Variants in ZNF385D observed in about 807,000 individuals in gnomAD.
ZNF385D encodes zinc finger protein 385D.
In ZNF385D, 15 loss-of-function variants were observed where a neutral mutation model predicts 35.8. The observed-to-expected ratio is 0.42, with a 90% CI of 0.28 to 0.64. The LOEUF (loss-of-function observed/expected upper bound fraction) is 0.64, where lower values mean the gene tolerates loss of function less well. ZNF385D is among the 30% of genes least tolerant of loss of function. ZNF385D has a pLI of 0.23. For synonymous variants in ZNF385D, 212 were observed against 186.8 expected, an observed-to-expected ratio of 1.13 and a Z score of -1.10; for missense variants, 474 against 494.6, an observed-to-expected ratio of 0.96 and a Z score of 0.39.
At chr3:21,750,765 C>G in intron 1 of ZNF385D, 130 bp downstream of exon 1, 1 of 1,124,938 alleles carries the variant, frequency 8.9e-7, no homozygotes, top group Non-Finnish European at 1.3e-6. Flanking sequence ...CCGGCTTGGT[C>G]CTCCAGTTGC....
intron 2 of ZNF385D, among the ~76,000 whole-genome samples, chr3:22,188,473 G>T (rs1041575277): frequency 1.3e-5 from 2 of 150,718 alleles, no homozygotes; most frequent in African/African-American, 4.9e-5. Flanking sequence ...TTTTTGAGAC[G>T]GAGTCTTGCT....
At chr3:21,606,731 A>C (rs527821528) in intron 2 of ZNF385D, among the ~76,000 whole-genome samples, 2 of 152,314 alleles carry the variant, frequency 1.3e-5, no homozygotes, top group South Asian at 2.1e-4. Flanking sequence ...CTATTAAATA[A>C]ATTCCACCAT....
chr3:22,106,354 T>C (rs1043393723), intron 3 of ZNF385D, among the ~76,000 whole-genome samples: 4 of 152,096 alleles, frequency 2.6e-5, no homozygotes, highest in African/African-American at 7.2e-5. Flanking sequence ...GAAACTGAGA[T>C]ACCATCTGCC....
intron 3 of ZNF385D, among the ~76,000 whole-genome samples, chr3:22,116,030 T>G (rs115569745): frequency 0.015 from 2,297 of 152,178 alleles, 69 homozygotes; most frequent in African/African-American, 0.053. Context: ...CAGAATTAAC[T>G]CCTGTATTTT....
At chr3:22,004,310 G>A (rs530179214) in intron 3 of ZNF385D, among the ~76,000 whole-genome samples, 37 of 152,184 alleles carry the variant, frequency 2.4e-4, no homozygotes, top group African/African-American at 8.4e-4. Context: ...TTAAATATAA[G>A]ACTCAATACT....
chr3:22,015,691 C>A (rs929023083), intron 3 of ZNF385D, among the ~76,000 whole-genome samples: 2 of 152,062 alleles, frequency 1.3e-5, no homozygotes, highest in Non-Finnish European at 2.9e-5. Flanking sequence ...CCATCTGGCT[C>A]CTGGTCTTTG....
intron 4 of ZNF385D, among the ~76,000 whole-genome samples, chr3:21,456,550 C>T (rs1702823756): frequency 6.6e-6 from 1 of 151,914 alleles, no homozygotes; most frequent in Non-Finnish European, 1.5e-5. Flanking sequence ...AACACTTGGA[C>T]ACAGGAAGGG....
At chr3:22,171,791 G>A (rs1694456684) in intron 2 of ZNF385D, among the ~76,000 whole-genome samples, 1 of 150,636 alleles carries the variant, frequency 6.6e-6, no homozygotes, top group Non-Finnish European at 1.5e-5. Flanking sequence ...GCAGGAGAAT[G>A]GAGTGAACCC....
chr3:22,187,818 A>G (rs1695740383), intron 2 of ZNF385D, among the ~76,000 whole-genome samples: 1 of 152,186 alleles, frequency 6.6e-6, no homozygotes, highest in African/African-American at 2.4e-5. Context: ...TAGAGTTGTC[A>G]CTGGGATGCA....
intron 2 of ZNF385D, among the ~76,000 whole-genome samples, chr3:22,247,155 G>T (rs747193305): frequency 3.3e-5 from 5 of 151,640 alleles, no homozygotes; most frequent in Non-Finnish European, 5.9e-5. Context: ...AATTATCTTG[G>T]GCCATAAAAA....
chr3:21,760,876 T>A (rs1483426955), intron 3 of ZNF385D, among the ~76,000 whole-genome samples: 1 of 152,224 alleles, frequency 6.6e-6, no homozygotes, highest in Non-Finnish European at 1.5e-5. Context: ...GTATTTTAAA[T>A]ATAATTTATT....
intron 2 of ZNF385D, among the ~76,000 whole-genome samples, chr3:22,349,521 T>C (rs529358135): frequency 6.6e-6 from 1 of 152,318 alleles, no homozygotes; most frequent in South Asian, 2.1e-4. Flanking sequence ...ACATTTACTC[T>C]TCAAGAAAGA....
At chr3:21,781,215 G>A (rs1478047169) in intron 3 of ZNF385D, among the ~76,000 whole-genome samples, 4 of 151,940 alleles carry the variant, frequency 2.6e-5, no homozygotes, top group Admixed American at 6.6e-5. Flanking sequence ...ATTTCAAAGC[G>A]AGAAAAGGGA....
At chr3:22,288,435 T>C (rs907089371) in intron 2 of ZNF385D, among the ~76,000 whole-genome samples, 2 of 144,242 alleles carry the variant, frequency 1.4e-5, no homozygotes, top group Non-Finnish European at 3.0e-5. Context: ...CCATCTTTCA[T>C]TTATTTCTTT....
chr3:21,701,400 C>A (rs993077761), intron 1 of ZNF385D, among the ~76,000 whole-genome samples: 14 of 152,290 alleles, frequency 9.2e-5, no homozygotes, highest in African/African-American at 3.4e-4. Context: ...ACGGGAAAGA[C>A]TGGGACCCAT....
intron 3 of ZNF385D, among the ~76,000 whole-genome samples, chr3:21,803,714 T>C (rs1431434709): frequency 6.6e-6 from 1 of 152,192 alleles, no homozygotes; most frequent in East Asian, 1.9e-4. Flanking sequence ...TTTCTCAGTC[T>C]TCATCATTGT....
At chr3:21,966,124 C>A (rs1702899436) in intron 3 of ZNF385D, among the ~76,000 whole-genome samples, 1 of 152,104 alleles carries the variant, frequency 6.6e-6, no homozygotes, top group Admixed American at 6.6e-5. Context: ...GATACAGAGA[C>A]ATTTTTGTAG....
chr3:21,800,551 T>A (rs1365209120), intron 3 of ZNF385D, among the ~76,000 whole-genome samples: 1 of 152,206 alleles, frequency 6.6e-6, no homozygotes, highest in Non-Finnish European at 1.5e-5. Context: ...GGCAGGAGCA[T>A]TGCTTGAATC....
At chr3:21,623,373 T>C (rs891539135) in intron 2 of ZNF385D, among the ~76,000 whole-genome samples, 1 of 152,140 alleles carries the variant, frequency 6.6e-6, no homozygotes, top group Admixed American at 6.6e-5. Flanking sequence ...TCTGAAATGA[T>C]GGCTCACACC....
Sources: allele counts gnomAD v4.1 joint callset (sites outside exome capture counted in the v4.1 genomes callset), GRCh38; gene constraint gnomAD v4.1.1; transcripts MANE v1.5; gene names NCBI Gene and HGNC (gene_info 2026-07-23, HGNC 2026-07-21).